The following ITGA11 variants were observed in gnomAD, a reference collection of about 807,000 sequenced individuals.
ITGA11 encodes integrin subunit alpha 11.
ITGA11 carries 97 observed loss-of-function variants against 141.9 expected under a neutral mutation model. That is an observed-to-expected ratio of 0.68 (90% confidence interval 0.58 to 0.81). ITGA11 has a LOEUF of 0.81. Ranked by LOEUF, ITGA11 falls within the 30% of genes least tolerant of loss-of-function variation. The pLI, the probability that ITGA11 is intolerant of heterozygous loss-of-function variation, is 0.00. For missense variants in ITGA11, 1,387 were observed against 1,559.2 expected (o/e 0.89, Z 1.86); for synonymous variants, 658 against 624.6 (o/e 1.05, Z -0.80).
chr15:68,358,362 T>A, intron 6 of ITGA11, 96 bp downstream of exon 6: 2 of 1,372,008 alleles, frequency 1.5e-6, no homozygotes, highest in South Asian at 3.1e-5. Flanking sequence ...TACACCTCCT[T>A]CGTGCATGCA....
chr15:68,348,080 A>G (rs1894794051), intron 10 of ITGA11, among the ~76,000 whole-genome samples: 1 of 152,220 alleles, frequency 6.6e-6, no homozygotes, highest in African/African-American at 2.4e-5. Flanking sequence ...CATTAAGCAT[A>G]TTCACAGACA....
intron 12 of ITGA11, among the ~76,000 whole-genome samples, chr15:68,332,749 C>A (rs2140305374): frequency 6.6e-6 from 1 of 152,246 alleles, no homozygotes; most frequent in Middle Eastern, 3.4e-3. Flanking sequence ...TTGTTGGTGG[C>A]CATTTATCTT....
chr15:68,381,627 C>T (rs964909828), intron 2 of ITGA11, among the ~76,000 whole-genome samples: 2 of 151,742 alleles, frequency 1.3e-5, no homozygotes, highest in African/African-American at 4.8e-5. Context: ...ATCATCTTGG[C>T]TCACTGCAAC....
chr15:68,418,460 C>T (rs760805389), intron 1 of ITGA11, among the ~76,000 whole-genome samples: 5 of 152,142 alleles, frequency 3.3e-5, no homozygotes, highest in Admixed American at 6.5e-5. Context: ...TCACATGGCC[C>T]TCAGTTGCCT....
In ITGA11 at chr15:68,297,446, T is replaced by C. The variant is rs924946334; in HGVS notation, c.*5613A>G. On this transcript the variant is annotated 3_prime_UTR_variant, in exon 30 of 30. Coordinates refer to ENST00000315757, the MANE Select transcript of ITGA11 (RefSeq NM_001004439.2). Reference sequence around the variant, plus strand: ...GCACTTCTGAGCTTTTTTTTTTTTTTTTTTTTTATCCAAAAGAAAGCTATG... The same window carrying C: ...GCACTTCTGAGCTTTTTTTTTTTTTCTTTTTTTATCCAAAAGAAAGCTATG... 1.9e-4 allele frequency: 29 copies of C among 151,244 alleles called. No homozygotes were observed. Among genetic ancestry groups the C allele is most frequent in the African/African-American group, 6.8e-4 (28 of 41,314 alleles). 9.4% of individuals were successfully genotyped at this position (151,244 alleles called of 1,614,324 possible).
rs144391891 is a variant in ITGA11 at position 68,369,590 on chromosome 15, G to A, written c.165-306C>T. Reference sequence around the variant, plus strand: ...GCAAATCCCTGGTAGAGGAGGGGGCGATGTTTGAGCTGGGTCTTAAGGGAT... The same window carrying A: ...GCAAATCCCTGGTAGAGGAGGGGGCAATGTTTGAGCTGGGTCTTAAGGGAT... On this transcript the variant is annotated intron_variant, in intron 2 of 29. Transcript: ENST00000315757. Among the ~76,000 whole-genome samples, 27 of 152,318 alleles carry A rather than the reference G, an allele frequency of 1.8e-4. No individual in the cohort carries two copies. The East Asian group carries it at 4.2e-3, about 24-fold the overall frequency.
At chr15:68,385,022 A>G (rs1895949682) in intron 2 of ITGA11, among the ~76,000 whole-genome samples, 1 of 152,250 alleles carries the variant, frequency 6.6e-6, no homozygotes, top group Non-Finnish European at 1.5e-5. Flanking sequence ...AGGCCAGTGT[A>G]GGGAACTCAC....
rs1893255934 is a variant in ITGA11 at position 68,307,950 on chromosome 15, A to G, written c.3175-254T>C. On this transcript the variant is annotated intron_variant, in intron 26 of 29. Coordinates refer to ENST00000315757, the MANE Select transcript of ITGA11 (RefSeq NM_001004439.2). The surrounding 1 kb of genome is among the most constrained non-coding windows in gnomAD (Gnocchi z 6.1). ...GGCCTGGATATATTCCAGGGACAGA[A>G]CTTTTGTTCAACATTAGGGAATCTA... Among the ~76,000 whole-genome samples the G allele has an allele frequency of 6.6e-6, 1 of 152,206 alleles. No individual in the cohort carries two copies. The highest frequency in any genetic ancestry group is 2.1e-4 in the South Asian group (1 of 4,832).
chr15:68,352,619 T>C (rs983395247), intron 7 of ITGA11, among the ~76,000 whole-genome samples: 1 of 152,238 alleles, frequency 6.6e-6, no homozygotes, highest in Non-Finnish European at 1.5e-5. Context: ...ATGCGTGCGA[T>C]GAGGCCTGAC....
chr15:68,377,699 T>C (rs1895762975), intron 2 of ITGA11, among the ~76,000 whole-genome samples: 1 of 152,262 alleles, frequency 6.6e-6, no homozygotes, highest in African/African-American at 2.4e-5. Flanking sequence ...TCACTCTACA[T>C]ATGTGGTTGT....
rs3736495 is a variant in ITGA11 at position 68,321,152 on chromosome 15, G to T, written c.2408+266C>A. Among the ~76,000 whole-genome samples the T allele has an allele frequency of 0.19, 24,961 of 133,468 alleles. 2,174 individuals carry two copies. The highest frequency in any genetic ancestry group is 0.25 in the Middle Eastern group (67 of 268). The allele number at this position is 133,468 out of a possible 152,430, so 87.6% of individuals were successfully genotyped here. A position where few individuals can be genotyped will look rare whatever the true frequency, so the allele number is the denominator to read the frequency against. On this transcript the variant is annotated intron_variant, in intron 19 of 29. Coordinates refer to ENST00000315757, the MANE Select transcript of ITGA11 (RefSeq NM_001004439.2). The surrounding 1 kb of genome is among the most constrained non-coding windows in gnomAD (Gnocchi z 4.9). The stretch of plus-strand genomic sequence containing the variant: ...TCATCTATTTTGTAATGTGGGCTCC[G>T]AAGAAAGGGTTTCTTTTTTTTTTTT...
At chr15:68,336,017 G>T in intron 11 of ITGA11, 172 bp from the exon 12 acceptor site, 1 of 762,300 alleles carries the variant, frequency 1.3e-6, no homozygotes, top group Non-Finnish European at 2.1e-6. Flanking sequence ...AGCTGGGGAG[G>T]CCTGGAAGAG....
chr15:68,359,435 C>G (rs1378091670), intron 5 of ITGA11, among the ~76,000 whole-genome samples: 1 of 152,170 alleles, frequency 6.6e-6, no homozygotes, highest in Non-Finnish European at 1.5e-5. Context: ...CACCTGAGAT[C>G]AGGAGTTCGA....
chr15:68,373,201 T>G (rs1429782104), intron 2 of ITGA11, among the ~76,000 whole-genome samples: 2 of 152,162 alleles, frequency 1.3e-5, no homozygotes, highest in Admixed American at 6.5e-5. Context: ...TAAACTGGCT[T>G]GTAATCCCTG....
At chr15:68,429,894 C>G (rs750158) in intron 1 of ITGA11, among the ~76,000 whole-genome samples, 1 of 152,030 alleles carries the variant, frequency 6.6e-6, no homozygotes, top group South Asian at 2.1e-4. Flanking sequence ...CTCCAGGAAG[C>G]CTTCCTTGCT....
rs1346066317 is a variant in ITGA11 at position 68,335,104 on chromosome 15, G to A, written c.1425+593C>T. Reference sequence around the variant, plus strand: ...GGGACAACATGGAAGGGCCTGGACAGCACTCAGCTCTGGCCTAGAGAGGGC... The same window carrying A: ...GGGACAACATGGAAGGGCCTGGACAACACTCAGCTCTGGCCTAGAGAGGGC... On this transcript the variant is annotated intron_variant, in intron 12 of 29. Transcript: ENST00000315757. This position sits in a 1 kb window ranked among gnomAD's most constrained non-coding sequence, Gnocchi z 4.9. Among the ~76,000 whole-genome samples the A allele has an allele frequency of 6.6e-6, 1 of 152,178 alleles. No individual in the cohort carries two copies. The highest frequency in any genetic ancestry group is 1.5e-5 in the Non-Finnish European group (1 of 68,026).
chr15:68,319,702 T>C (rs1893725279), intron 20 of ITGA11, among the ~76,000 whole-genome samples: 1 of 152,072 alleles, frequency 6.6e-6, no homozygotes, highest in Admixed American at 6.5e-5. Flanking sequence ...TGGTGGCACA[T>C]GCGTGGTGTG....
chr15:68,330,859 G>T, intron 15 of ITGA11, 122 bp downstream of exon 15: 1 of 1,061,746 alleles, frequency 9.4e-7, no homozygotes, highest in South Asian at 1.5e-5. Context: ...TAAGAACAGG[G>T]TGGGTCTAGC....
At chr15:68,357,831 C>T (rs543558195) in intron 6 of ITGA11, among the ~76,000 whole-genome samples, 5 of 152,306 alleles carry the variant, frequency 3.3e-5, no homozygotes, top group South Asian at 4.1e-4. Flanking sequence ...ATTTGGCACA[C>T]GTGCCCTTCT....
Sources: gnomAD v4.1 joint callset for allele counts (sites outside exome capture counted in the v4.1 genomes callset) on GRCh38, gnomAD v4.1.1 for gene constraint, Gnocchi (gnomAD v3.1) non-coding constraint, MANE v1.5 for transcripts, NCBI Gene and HGNC (gene_info 2026-07-23, HGNC 2026-07-21) for gene names.